The following NEK4 variants were observed in gnomAD, a reference collection of about 807,000 sequenced individuals.
The protein encoded by NEK4 is NIMA related kinase 4, also known as serine/threonine-protein kinase Nek4.
In NEK4, 86 loss-of-function variants were observed where a neutral mutation model predicts 98.4. That is an observed-to-expected ratio of 0.87 (90% CI 0.73 to 1.05). The LOEUF is 1.05. Ranked by LOEUF, NEK4 falls within the 50% of genes least tolerant of loss-of-function variation. The probability of loss-of-function intolerance (pLI) is 0.00; values close to 1 mark genes in which losing one functional copy is unlikely to be tolerated. For missense variants in NEK4, 898 were observed against 950.3 expected (o/e 0.94, Z 0.72); for synonymous variants, 328 against 342.2 (o/e 0.96, Z 0.46).
intron 2 of NEK4, among the ~76,000 whole-genome samples, chr3:52,766,855 G>A (rs1271016589): frequency 1.3e-5 from 2 of 152,022 alleles, no homozygotes; most frequent in Admixed American, 6.5e-5. Flanking sequence ...GCGCAGTGGC[G>A]GGCGCCTGTA....
At chr3:52,755,738 G>C (rs73078856) in intron 6 of NEK4, among the ~76,000 whole-genome samples, 7,685 of 152,138 alleles carry the variant, frequency 0.051, 246 homozygotes, top group Non-Finnish European at 0.076. Context: ...AATTAGAAAA[G>C]AAGAAGTAAA....
chr3:52,764,544 T>C (rs922720960), intron 4 of NEK4, among the ~76,000 whole-genome samples: 3 of 151,256 alleles, frequency 2.0e-5, no homozygotes, highest in African/African-American at 7.3e-5. Flanking sequence ...GGCAGGAGAA[T>C]GGCGTGAACC....
chr3:52,721,422 T>A (rs2097359988), intron 15 of NEK4, among the ~76,000 whole-genome samples: 1 of 152,030 alleles, frequency 6.6e-6, no homozygotes, highest in African/African-American at 2.4e-5. Flanking sequence ...GGCCATACAT[T>A]GAAGGAGCAG....
intron 8 of NEK4, among the ~76,000 whole-genome samples, chr3:52,747,942 CA>C (rs34194697): frequency 0.012 from 1,765 of 147,898 alleles, 49 homozygotes; most frequent in African/African-American, 0.041. Flanking sequence ...AAGAGTGTCT[CA>C]AAAAAAAAAA....
At chr3:52,758,192 A>T (rs1014651113) in intron 6 of NEK4, among the ~76,000 whole-genome samples, 4 of 150,880 alleles carry the variant, frequency 2.7e-5, no homozygotes, top group Non-Finnish European at 4.4e-5. Flanking sequence ...AAAAAAAAAA[A>T]AAAAAAAAAA....
intron 15 of NEK4, among the ~76,000 whole-genome samples, chr3:52,715,350 A>C (rs2097354203): frequency 6.6e-6 from 1 of 152,172 alleles, no homozygotes; most frequent in Non-Finnish European, 1.5e-5. Context: ...CACCCTGTCT[A>C]TGGAAAGGAG....
intron 7 of NEK4, among the ~76,000 whole-genome samples, 155 bp downstream of exon 7, chr3:52,751,777 G>A (rs985591137): frequency 2.0e-5 from 3 of 152,188 alleles, no homozygotes; most frequent in African/African-American, 7.2e-5. Context: ...ATAGGGTACT[G>A]GGTTTCTTTT....
rs1559449284 is a variant in NEK4, at chr3:52,763,548, T to TC, written c.742dup (p.Glu248GlyfsTer33). 1 of 1,614,094 alleles carries TC rather than the reference T, an allele frequency of 6.2e-7. No individual in the cohort carries two copies. The highest frequency in any genetic ancestry group is 8.5e-7 in the Non-Finnish European group (1 of 1,179,942). ...CAGGATGCTCCTCACAGACGGCCTT[T>TC]CTTCAGGCCTTTTGCTCAGCATTGT... On this transcript the variant is annotated frameshift_variant, in exon 5 of 16. Transcript: ENST00000233027. LOFTEE classifies it high-confidence loss of function.
chr3:52,735,724 G>T (rs564865304), intron 15 of NEK4, among the ~76,000 whole-genome samples: 1 of 152,224 alleles, frequency 6.6e-6, no homozygotes, highest in African/African-American at 2.4e-5. Flanking sequence ...CATGCCTGGG[G>T]AATGTTCCTT....
intron 5 of NEK4, 60 bp from the exon 6 acceptor site, chr3:52,760,996 G>A (rs941512150): frequency 6.5e-6 from 7 of 1,082,606 alleles, no homozygotes; most frequent in Admixed American, 2.2e-5. Context: ...GGGTTTTTAG[G>A]TATATGTGGG....
chr3:52,745,426 A>G (rs1299371015), intron 10 of NEK4, among the ~76,000 whole-genome samples: 1 of 152,010 alleles, frequency 6.6e-6, no homozygotes, highest in Non-Finnish European at 1.5e-5. Flanking sequence ...CTAAAATACA[A>G]AAATTAGCCG....
chr3:52,766,149 G>C, intron 3 of NEK4, 29 bp downstream of exon 3: 1 of 1,593,676 alleles, frequency 6.3e-7, no homozygotes, highest in African/African-American at 1.3e-5. Context: ...CAGAGACAAG[G>C]TAAGCCAGCA....
Position 52,751,928 on chromosome 3 carries a change from T to C in NEK4, c.1368+4A>G. 6 of 1,611,068 alleles carry C rather than the reference T, an allele frequency of 3.7e-6. No individual in the cohort carries two copies. The highest frequency in any genetic ancestry group is 5.1e-6 in the Non-Finnish European group (6 of 1,178,752). The stretch of plus-strand genomic sequence containing the variant: ...CCAGTATCTCATGTGTGCATATCAC[T>C]CACCTGGTCCTTTGGCTTTTGTTCT... On this transcript the variant is annotated splice_donor_region_variant and intron_variant, in intron 7 of 15. Transcript: ENST00000233027.
intron 15 of NEK4, among the ~76,000 whole-genome samples, chr3:52,731,346 G>A (rs1211606141): frequency 6.6e-6 from 1 of 152,114 alleles, no homozygotes; most frequent in Non-Finnish European, 1.5e-5. Context: ...AATTGCAAGG[G>A]ACCCAGAATA....
chr3:52,746,165 C>A lies in NEK4; in HGVS notation c.1723G>T (p.Gly575Trp). ...PRFLPSHPIVGKVDVTSTQKE... is the reference protein window; with the variant it reads ...PRFLPSHPIVWKVDVTSTQKE... ...TGTGTTGATGTGACATCCACTTTCC[C>A]AACAATGGGATGAGAAGGCAAAAAT... The change falls in exon 10 of 16, where the codon GGG becomes TGG. Residue 575 changes from glycine to tryptophan, a missense_variant. Physicochemically the swap from Gly to Trp is radical, Grantham distance 184. Transcript: ENST00000233027. 1 of 1,614,034 alleles carries A rather than the reference C, an allele frequency of 6.2e-7. No homozygotes were observed. Among genetic ancestry groups the A allele is most frequent in the Non-Finnish European group, 8.5e-7 (1 of 1,179,970 alleles).
At position 52,751,964 on chromosome 3, in the gene NEK4, G is replaced by A; in HGVS notation, c.1336C>T (p.Pro446Ser). 6.2e-7 allele frequency: 1 copy of A among 1,613,862 alleles called. No individual in the cohort carries two copies. ...TTTGGCTTTTGTTCTTTGATTAGGG[G>A]CTGCAGAGGCTTCACTGGTTCATTC... ...EKNEPVKPLQPLIKEQKPKDQ... is the reference protein window; with the variant it reads ...EKNEPVKPLQSLIKEQKPKDQ... The change falls in exon 7 of 16, where the codon CCC (proline) becomes TCC (serine). Residue 446 changes from proline (P) to serine (S), a missense_variant. Coordinates refer to ENST00000233027, the MANE Select transcript of NEK4 (RefSeq NM_003157.6).
chr3:52,736,918 A>C (rs1245937386), intron 15 of NEK4, among the ~76,000 whole-genome samples: 1 of 152,132 alleles, frequency 6.6e-6, no homozygotes, highest in Non-Finnish European at 1.5e-5. Context: ...CATAGTTCTC[A>C]TGTTTTAGGT....
chr3:52,730,828 T>C (rs1578635854), intron 15 of NEK4, among the ~76,000 whole-genome samples: 3 of 152,156 alleles, frequency 2.0e-5, no homozygotes, highest in African/African-American at 4.8e-5. Flanking sequence ...ATGCTTAGGA[T>C]AGTCAAACTC....
chr3:52,734,228 C>T (rs1275529935), intron 15 of NEK4, among the ~76,000 whole-genome samples: 2 of 151,830 alleles, frequency 1.3e-5, no homozygotes, highest in East Asian at 1.9e-4. Context: ...GGGTGGATCA[C>T]GAGGTCAGGA....
Sources: allele counts gnomAD v4.1 joint callset (sites outside exome capture counted in the v4.1 genomes callset), GRCh38; gene constraint gnomAD v4.1.1; transcripts MANE v1.5; gene names NCBI Gene and HGNC (gene_info 2026-07-23, HGNC 2026-07-21).